The following MTHFS variants were observed in gnomAD, a reference collection of about 807,000 sequenced individuals.
MTHFS encodes the protein 5-formyltetrahydrofolate cyclo-ligase.
A neutral mutation model predicts 12.7 loss-of-function variants in MTHFS; 7 were observed. The observed-to-expected ratio is 0.55, with a 90% CI of 0.31 to 1.03. MTHFS has a LOEUF of 1.03. Among genes scored for constraint, MTHFS ranks in the 50% least tolerant of loss-of-function variants. The pLI is 0.05. For missense variants in MTHFS, 252 were observed against 258.1 expected, an observed-to-expected ratio of 0.98 and a Z score of 0.16; for synonymous variants, 100 against 97.1, an observed-to-expected ratio of 1.03 and a Z score of -0.18.
At chr15:79,871,546 T>C (rs183881787) in intron 2 of MTHFS, among the ~76,000 whole-genome samples, 1 of 152,202 alleles carries the variant, frequency 6.6e-6, no homozygotes, top group African/African-American at 2.4e-5. Context: ...TTTTTTTTTT[T>C]TTTAGTGTTC....
intron 2 of MTHFS, among the ~76,000 whole-genome samples, chr15:79,853,808 G>A (rs2033755079): frequency 6.6e-6 from 1 of 152,222 alleles, no homozygotes; most frequent in Non-Finnish European, 1.5e-5. Flanking sequence ...TGATAGGAAA[G>A]CATTCCTCTG....
At chr15:79,862,179 T>G in intron 2 of MTHFS, among the ~76,000 whole-genome samples, 1 of 152,146 alleles carries the variant, frequency 6.6e-6, no homozygotes, top group East Asian at 1.9e-4. Context: ...CATATCCCTG[T>G]TTTTCATTCA....
intron 2 of MTHFS, among the ~76,000 whole-genome samples, chr15:79,884,326 G>C (rs2034346835): frequency 6.6e-6 from 1 of 152,192 alleles, no homozygotes; most frequent in South Asian, 2.1e-4. Flanking sequence ...TAGAGAGGGA[G>C]GTCAGACCCA....
At chr15:79,846,115 T>A (rs1054502231) in intron 2 of MTHFS, among the ~76,000 whole-genome samples, 2 of 152,226 alleles carry the variant, frequency 1.3e-5, no homozygotes, top group African/African-American at 2.4e-5. Context: ...CAGGACAGAA[T>A]GCTGGAGCTC....
intron 2 of MTHFS, among the ~76,000 whole-genome samples, chr15:79,883,951 C>G (rs1403431916): frequency 4.6e-5 from 7 of 152,194 alleles, no homozygotes; most frequent in Admixed American, 1.3e-4. Context: ...CACAGCAAAG[C>G]ACATAACATT....
At chr15:79,883,677 G>A (rs575137689) in intron 2 of MTHFS, among the ~76,000 whole-genome samples, 2 of 140,632 alleles carry the variant, frequency 1.4e-5, no homozygotes, top group South Asian at 4.9e-4. Flanking sequence ...ACTGTACTAG[G>A]CACTTTACAT....
At chr15:79,859,207 G>T (rs796871861) in intron 2 of MTHFS, among the ~76,000 whole-genome samples, 8 of 152,282 alleles carry the variant, frequency 5.3e-5, no homozygotes, top group African/African-American at 1.9e-4. Context: ...TTTTGGAAAA[G>T]AAACTAACAA....
chr15:79,846,326 T>G (rs181955594), intron 2 of MTHFS, among the ~76,000 whole-genome samples: 100 of 152,324 alleles, frequency 6.6e-4, no homozygotes, highest in African/African-American at 1.8e-3. Flanking sequence ...GTCTGCCCTG[T>G]AGCCTCCTTA....
intron 2 of MTHFS, among the ~76,000 whole-genome samples, chr15:79,878,861 C>CT (rs34987412): frequency 0.45 from 65,162 of 145,886 alleles, 14,501 homozygotes; most frequent in South Asian, 0.47. Context: ...AGCTTATTCC[C>CT]TTTTTTTTTT....
chr15:79,856,631 G>T (rs2088213389), intron 2 of MTHFS, among the ~76,000 whole-genome samples: 4 of 152,170 alleles, frequency 2.6e-5, no homozygotes, highest in Admixed American at 1.3e-4. Context: ...AAGAAGAACT[G>T]TTTAATGGGT....
At position 79,854,345 on chromosome 15, in the gene MTHFS, T is replaced by A. The variant is rs547442620; in HGVS notation, c.380-8903A>T. ...GCAAGGGGAAGGGCTGGGGAGGGCA[T>A]GGTTATAAGAACCCGCATAGCTGCG... On this transcript the variant is annotated intron_variant, in intron 2 of 2. Coordinates refer to ENST00000258874, the MANE Select transcript of MTHFS (RefSeq NM_006441.4). Among the ~76,000 whole-genome samples, 6 of 152,318 alleles carry A rather than the reference T, an allele frequency of 3.9e-5. No homozygotes were observed. The South Asian group carries it at 1.2e-3, about 32-fold the overall frequency.
At position 79,845,305 on chromosome 15, in the gene MTHFS, A is replaced by T. The variant is rs199647931; in HGVS notation, c.517T>A (p.Leu173Met). The change falls in exon 3 of 3, where the codon TTG becomes ATG. Residue 173 changes from leucine (L) to methionine (M), a missense_variant. Leu to Met is a conservative substitution (Grantham distance 15). Transcript: ENST00000258874. The part of the protein sequence containing the change: ...HQEVKPYTLA[L>M]AFKEQICLQV... ...AGGCAAATCTGTTCTTTGAAAGCCA[A>T]CGCCAGGGTGTAGGGCTTCACTTCC... 1.2e-6 allele frequency: 2 copies of T among 1,614,108 alleles called. No homozygotes were observed. The highest frequency in any genetic ancestry group is 1.7e-6 in the Non-Finnish European group (2 of 1,180,016).
At chr15:79,850,527 C>T (rs906721484) in intron 2 of MTHFS, among the ~76,000 whole-genome samples, 20 of 152,288 alleles carry the variant, frequency 1.3e-4, no homozygotes, top group African/African-American at 4.6e-4. Context: ...GTCCTGATAA[C>T]ATGTTATTTA....
chr15:79,887,169 GAGCCGAGATAGCGCC>G (rs1275962118), intron 2 of MTHFS, among the ~76,000 whole-genome samples: 1 of 152,106 alleles, frequency 6.6e-6, no homozygotes. Flanking sequence ...AAGTTGCAGT[GAGCCGAGATAGCGCC>G]ATTGCACTCC....
In MTHFS at chr15:79,843,976, C is replaced by T. The variant is rs865838344; in HGVS notation, c.*1234G>A. 1.4e-4 allele frequency: 21 copies of T among 152,234 alleles called. No individual in the cohort carries two copies. Among genetic ancestry groups the T allele is most frequent in the Admixed American group, 1.3e-3 (20 of 15,276 alleles). 9.4% of individuals were successfully genotyped at this position (152,234 alleles called of 1,614,324 possible). On this transcript the variant is annotated 3_prime_UTR_variant, in exon 3 of 3. Transcript: ENST00000258874. ...AGAGCATTTCAGACAGAGAGAAATGCATGCTTACTATGTGCAAAGGGCAGA... is the reference window on the plus strand; with the variant it reads ...AGAGCATTTCAGACAGAGAGAAATGTATGCTTACTATGTGCAAAGGGCAGA...
chr15:79,866,507 C>T (rs1021975330), intron 2 of MTHFS, among the ~76,000 whole-genome samples: 5 of 152,192 alleles, frequency 3.3e-5, no homozygotes, highest in African/African-American at 1.2e-4. Context: ...GATGCTTCTA[C>T]AATACAGTAG....
chr15:79,868,903 C>G (rs974286101), intron 2 of MTHFS, among the ~76,000 whole-genome samples: 1 of 152,104 alleles, frequency 6.6e-6, no homozygotes, highest in Non-Finnish European at 1.5e-5. Flanking sequence ...TGTACACGCA[C>G]ACACACAAAC....
At chr15:79,860,267 T>C (rs1445915728) in intron 2 of MTHFS, among the ~76,000 whole-genome samples, 1 of 151,946 alleles carries the variant, frequency 6.6e-6, no homozygotes, top group East Asian at 1.9e-4. Context: ...CGGGTGCCTG[T>C]TGTCTCAGCT....
chr15:79,873,180 T>G (rs904154116), intron 2 of MTHFS, among the ~76,000 whole-genome samples: 1 of 152,138 alleles, frequency 6.6e-6, no homozygotes, highest in African/African-American at 2.4e-5. Context: ...GCTCCAGCTA[T>G]AGATATATGA....
Sources: gnomAD v4.1 joint callset for allele counts (sites outside exome capture counted in the v4.1 genomes callset) on GRCh38, gnomAD v4.1.1 for gene constraint, MANE v1.5 for transcripts, NCBI Gene and HGNC (gene_info 2026-07-23, HGNC 2026-07-21) for gene names.